PTPRD: variants seen among roughly 807,000 people sequenced by gnomAD.
PTPRD encodes receptor-type tyrosine-protein phosphatase delta.
Under a neutral mutation model 214.5 loss-of-function variants are expected in PTPRD, and 34 were observed. The ratio of observed to expected loss-of-function variants is 0.16; its 90% CI spans 0.12 to 0.21. The LOEUF (loss-of-function observed/expected upper bound fraction) is 0.21. Among genes scored for constraint, PTPRD ranks in the 10% least tolerant of loss-of-function variants. The pLI is 1.00. For synonymous variants in PTPRD, 1,128 were observed against 845.7 expected (o/e 1.33, Z -5.79); for missense variants, 2,545 against 2,398.7 (o/e 1.06, Z -1.27).
At chr9:9,198,912 T>C (rs906501557) in intron 9 of PTPRD, among the ~76,000 whole-genome samples, 1 of 152,326 alleles carries the variant, frequency 6.6e-6, no homozygotes, top group African/African-American at 2.4e-5. Context: ...GATTCTAAGG[T>C]CAGGCCTCTT....
At chr9:9,890,760 A>AT (rs1389321066) in intron 5 of PTPRD, among the ~76,000 whole-genome samples, 1 of 151,966 alleles carries the variant, frequency 6.6e-6, no homozygotes, top group Non-Finnish European at 1.5e-5. Flanking sequence ...AAGGGGTGTA[A>AT]TTTCCACCAA....
chr9:10,141,871 C>A (rs1467519129), intron 3 of PTPRD, among the ~76,000 whole-genome samples: 2 of 152,104 alleles, frequency 1.3e-5, no homozygotes, highest in African/African-American at 2.4e-5. Context: ...GCTACAGTAA[C>A]CAAAACAGCA....
intron 8 of PTPRD, among the ~76,000 whole-genome samples, chr9:9,496,912 G>A (rs1010585829): frequency 5.9e-5 from 9 of 152,094 alleles, no homozygotes; most frequent in Non-Finnish European, 1.2e-4. Flanking sequence ...ATATCATTCA[G>A]CCTTAAAAAG....
Position 10,112,431 on chromosome 9 carries a change from A to ATTTT in PTPRD, c.-544-78645_-544-78642dup, listed in dbSNP as rs61488370. 7.6e-4 allele frequency among the ~76,000 whole-genome samples: 114 copies of ATTTT among 149,746 alleles called. 1 individual carries two copies. The South Asian group carries it at 0.02, about 26-fold the overall frequency. ...TGTATCTTCCAACTGACAATTATCT[A>ATTTT]TTTTTTTTTTGTCAAGCTTTAATCT... On this transcript the variant is annotated intron_variant, in intron 3 of 45. Transcript: ENST00000381196.
intron 10 of PTPRD, among the ~76,000 whole-genome samples, chr9:9,026,043 A>T (rs1389506364): frequency 6.6e-6 from 1 of 151,972 alleles, no homozygotes; most frequent in Non-Finnish European, 1.5e-5. Flanking sequence ...TTCAGTGAGA[A>T]CTAAGTGCCA....
chr9:9,730,466 T>C (rs1339831130), intron 7 of PTPRD, among the ~76,000 whole-genome samples: 1 of 152,100 alleles, frequency 6.6e-6, no homozygotes, highest in African/African-American at 2.4e-5. Context: ...AGATCCAAAA[T>C]TGGGGCGTAG....
intron 2 of PTPRD, among the ~76,000 whole-genome samples, chr9:10,554,695 T>C (rs1443471940): frequency 6.6e-6 from 1 of 152,190 alleles, no homozygotes; most frequent in Non-Finnish European, 1.5e-5. Flanking sequence ...GAGTCTCGCT[T>C]TGTCGCTCAG....
intron 35 of PTPRD, 45 bp downstream of exon 35, chr9:8,436,547 G>C (rs2095358233): frequency 4.2e-6 from 6 of 1,428,810 alleles, no homozygotes; most frequent in African/African-American, 2.8e-5. Context: ...AAAAAGAGAA[G>C]AGTAACTCTT....
intron 11 of PTPRD, among the ~76,000 whole-genome samples, chr9:8,758,438 A>C (rs1195392273): frequency 6.6e-6 from 1 of 152,080 alleles, no homozygotes; most frequent in East Asian, 1.9e-4. Context: ...ATTTGATATC[A>C]TTTTGTTTTA....
intron 9 of PTPRD, among the ~76,000 whole-genome samples, chr9:9,214,593 T>C (rs1391632922): frequency 6.6e-6 from 1 of 152,112 alleles, no homozygotes; most frequent in Admixed American, 6.6e-5. Flanking sequence ...CCATTTAATG[T>C]CTTTACCAGG....
At chr9:9,152,932 A>C (rs2099878125) in intron 10 of PTPRD, among the ~76,000 whole-genome samples, 1 of 152,174 alleles carries the variant, frequency 6.6e-6, no homozygotes, top group South Asian at 2.1e-4. Context: ...TCTTTGGCCC[A>C]GTACTGACAC....
At chr9:8,712,011 A>C (rs1469433874) in intron 12 of PTPRD, among the ~76,000 whole-genome samples, 1 of 152,236 alleles carries the variant, frequency 6.6e-6, no homozygotes, top group East Asian at 1.9e-4. Flanking sequence ...GCTACATGTA[A>C]TTGTAGTAAT....
At chr9:8,881,343 A>G (rs1037215254) in intron 11 of PTPRD, among the ~76,000 whole-genome samples, 2 of 152,208 alleles carry the variant, frequency 1.3e-5, no homozygotes, top group Admixed American at 1.3e-4. Flanking sequence ...TTCCATGAAT[A>G]TTTTTGTAAG....
intron 8 of PTPRD, among the ~76,000 whole-genome samples, chr9:9,496,474 T>A (rs543649674): frequency 6.6e-6 from 1 of 152,108 alleles, no homozygotes; most frequent in African/African-American, 2.4e-5. Flanking sequence ...GCAAAGATGT[T>A]TGACATGACT....
intron 11 of PTPRD, among the ~76,000 whole-genome samples, chr9:8,937,561 G>A (rs1426458997): frequency 1.3e-5 from 2 of 152,072 alleles, no homozygotes; most frequent in Admixed American, 6.6e-5. Context: ...AGCAATCTTA[G>A]TCCCTCAGAG....
At chr9:9,844,346 C>T (rs545010955) in intron 5 of PTPRD, among the ~76,000 whole-genome samples, 2 of 151,960 alleles carry the variant, frequency 1.3e-5, no homozygotes, top group Non-Finnish European at 2.9e-5. Flanking sequence ...AAGCCAGAAA[C>T]AGAAAGACTA....
intron 21 of PTPRD, among the ~76,000 whole-genome samples, chr9:8,509,784 C>T (rs965625268): frequency 1.3e-5 from 2 of 152,094 alleles, no homozygotes; most frequent in Non-Finnish European, 2.9e-5. Flanking sequence ...CTATTAAGAG[C>T]CCCTTCCTTC....
intron 2 of PTPRD, among the ~76,000 whole-genome samples, chr9:10,342,435 T>C (rs1565414153): frequency 6.6e-6 from 1 of 152,216 alleles, no homozygotes; most frequent in East Asian, 1.9e-4. Flanking sequence ...AATTCAGATA[T>C]GATAAATGTA....
At chr9:9,682,747 C>T (rs1564518972) in intron 7 of PTPRD, among the ~76,000 whole-genome samples, 1 of 151,698 alleles carries the variant, frequency 6.6e-6, no homozygotes, top group African/African-American at 2.4e-5. Flanking sequence ...CTTTCCTCTC[C>T]AGCATGCAAA....
Sources: gnomAD v4.1 joint callset for allele counts (sites outside exome capture counted in the v4.1 genomes callset) on GRCh38, gnomAD v4.1.1 for gene constraint, MANE v1.5 for transcripts, NCBI Gene and HGNC (gene_info 2026-07-23, HGNC 2026-07-21) for gene names.